RALGPS2: variants seen among roughly 807,000 people sequenced by gnomAD.
The protein encoded by RALGPS2 is ras-specific guanine nucleotide-releasing factor RalGPS2.
Under a neutral mutation model 86.8 loss-of-function variants are expected in RALGPS2, and 43 were observed. The ratio of observed to expected loss-of-function variants is 0.50; its 90% CI spans 0.39 to 0.64. The LOEUF is 0.64. RALGPS2 is among the 30% of genes least tolerant of loss of function. The probability of loss-of-function intolerance (pLI) is 0.00; values close to 1 mark genes in which losing one functional copy is unlikely to be tolerated. For synonymous variants in RALGPS2, 243 were observed against 231.3 expected, an observed-to-expected ratio of 1.05 and a Z score of -0.46; for missense variants, 536 against 694.6, an observed-to-expected ratio of 0.77 and a Z score of 2.57.
rs1297940608 is a variant in RALGPS2, at chr1:178,919,062, T to G, written c.*2703T>G. ...ATGATTGGCATGTTATATAGCCTGT[T>G]GAAAATAACTACAGAATGACCTTCC... On this transcript the variant is annotated 3_prime_UTR_variant, in exon 20 of 20. Transcript: ENST00000367635. The G allele has an allele frequency of 2.0e-5, 3 of 152,074 alleles. No individual in the cohort carries two copies. The highest frequency in any genetic ancestry group is 4.4e-5 in the Non-Finnish European group (3 of 67,928). 9.4% of individuals were successfully genotyped at this position (152,074 alleles called of 1,614,324 possible).
Position 178,893,974 on chromosome 1 carries a change from C to A in RALGPS2, c.1381C>A (p.Gln461Lys). 1 of 1,608,844 alleles carries A rather than the reference C, an allele frequency of 6.2e-7. No homozygotes were observed. The highest frequency in any genetic ancestry group is 1.1e-5 in the South Asian group (1 of 90,656). Reference sequence around the variant, plus strand: ...TTTATATCCAGGAGCTGTTACTATTCAAGGTGTTCTCAGGAGAAAAACTTT... The same window carrying A: ...TTTATATCCAGGAGCTGTTACTATTAAAGGTGTTCTCAGGAGAAAAACTTT... Reference protein sequence around the residue: ...VHLYPGAVTIQGVLRRKTLLK... With the variant: ...VHLYPGAVTIKGVLRRKTLLK... The change falls in exon 16 of 20, where the codon CAA becomes AAA. Residue 461 changes from glutamine (Q) to lysine (K), a missense_variant. Around this residue, in one of 3 missense-constraint regions of RALGPS2, gnomAD observed 309 missense variants for 363.0 expected, o/e 0.85. Transcript: ENST00000367635.
chr1:178,885,281 G>A, intron 12 of RALGPS2, 70 bp downstream of exon 12: 2 of 1,445,740 alleles, frequency 1.4e-6, no homozygotes, highest in Non-Finnish European at 1.9e-6. Context: ...CGATTTATTA[G>A]TTCAGTAGAA....
chr1:178,879,044 T>C, intron 10 of RALGPS2, 52 bp downstream of exon 10: 1 of 1,587,036 alleles, frequency 6.3e-7, no homozygotes, highest in Non-Finnish European at 8.6e-7. Flanking sequence ...GTCCTCCACC[T>C]TTCTATCCCT....
At chr1:178,843,808 G>C (rs1307173670) in intron 8 of RALGPS2, among the ~76,000 whole-genome samples, 1 of 152,154 alleles carries the variant, frequency 6.6e-6, no homozygotes, top group Non-Finnish European at 1.5e-5. Context: ...TTGATTGTGA[G>C]ATTATTGTGG....
At chr1:178,737,536 G>T (rs747897624) in intron 1 of RALGPS2, among the ~76,000 whole-genome samples, 14 of 151,920 alleles carry the variant, frequency 9.2e-5, no homozygotes, top group African/African-American at 1.5e-4. Context: ...ATGAGCCACC[G>T]CACCTGGCCA....
chr1:178,747,352 A>G (rs1651394289), intron 1 of RALGPS2: 4 of 1,536,986 alleles, frequency 2.6e-6, no homozygotes, highest in South Asian at 1.1e-5. Context: ...TTTCACCACT[A>G]TTGATATTTT....
chr1:178,877,408 T>C, intron 8 of RALGPS2, 90 bp from the exon 9 acceptor site: 1 of 1,541,102 alleles, frequency 6.5e-7, no homozygotes, highest in Non-Finnish European at 8.8e-7. Context: ...CAGTGGAATA[T>C]ATCTATAAAC....
intron 19 of RALGPS2, among the ~76,000 whole-genome samples, chr1:178,914,376 G>A (rs1468658778): frequency 1.3e-5 from 2 of 152,134 alleles, no homozygotes; most frequent in Non-Finnish European, 2.9e-5. Flanking sequence ...GCGGTTTGTG[G>A]TGAGAGTGGG....
At chr1:178,747,096 T>C (rs1651379418) in intron 1 of RALGPS2, 12 of 884,720 alleles carry the variant, frequency 1.4e-5, no homozygotes, top group Middle Eastern at 2.7e-4. Context: ...AATTTTCTTA[T>C]GTTCAGTAAC....
At chr1:178,734,400 C>G (rs1316158883) in intron 1 of RALGPS2, among the ~76,000 whole-genome samples, 4 of 152,160 alleles carry the variant, frequency 2.6e-5, no homozygotes, top group African/African-American at 9.7e-5. Flanking sequence ...AGGCCAGTAG[C>G]AGGGGTAAGG....
At chr1:178,915,146 A>G (rs1181418524) in intron 19 of RALGPS2, among the ~76,000 whole-genome samples, 1 of 152,260 alleles carries the variant, frequency 6.6e-6, no homozygotes, top group Non-Finnish European at 1.5e-5. Context: ...AAGTTTTAGT[A>G]GAAAACTCTG....
intron 8 of RALGPS2, chr1:178,853,744 C>T (rs994330685): frequency 3.1e-6 from 5 of 1,602,922 alleles, no homozygotes; most frequent in African/African-American, 1.4e-5. Context: ...TCCCACTGAC[C>T]GAATGCCCAG....
At chr1:178,816,333 T>C (rs1327650431) in intron 6 of RALGPS2, among the ~76,000 whole-genome samples, 1 of 152,164 alleles carries the variant, frequency 6.6e-6, no homozygotes, top group African/African-American at 2.4e-5. Flanking sequence ...CTGATGATAG[T>C]GATGGTTGAG....
intron 1 of RALGPS2, among the ~76,000 whole-genome samples, chr1:178,731,249 A>G (rs920146741): frequency 4.1e-5 from 5 of 122,558 alleles, no homozygotes; most frequent in African/African-American, 1.5e-4. Flanking sequence ...TTAGCAGATG[A>G]TTATACTTTT....
chr1:178,764,981 C>T (rs1652424471), intron 1 of RALGPS2, among the ~76,000 whole-genome samples: 1 of 152,032 alleles, frequency 6.6e-6, no homozygotes, highest in African/African-American at 2.4e-5. Flanking sequence ...ACAACCAGAT[C>T]CCCACTTTGT....
chr1:178,805,052 G>GT (rs1654676419), intron 4 of RALGPS2, among the ~76,000 whole-genome samples: 1 of 148,696 alleles, frequency 6.7e-6, no homozygotes, highest in African/African-American at 2.5e-5. Context: ...TTTTTCATGT[G>GT]TTTTTTGGCT....
chr1:178,897,097 A>T (rs1659982160), intron 16 of RALGPS2, among the ~76,000 whole-genome samples: 1 of 151,926 alleles, frequency 6.6e-6, no homozygotes, highest in Non-Finnish European at 1.5e-5. Flanking sequence ...CAAGAAAAAA[A>T]CAAACAACCC....
chr1:178,865,042 A>G, intron 8 of RALGPS2: 1 of 1,497,196 alleles, frequency 6.7e-7, no homozygotes, highest in South Asian at 1.4e-5. Context: ...AATCTCTGGG[A>G]TAACCTGGAT....
At chr1:178,731,637 A>G (rs998818825) in intron 1 of RALGPS2, among the ~76,000 whole-genome samples, 3 of 152,030 alleles carry the variant, frequency 2.0e-5, no homozygotes, top group African/African-American at 7.2e-5. Flanking sequence ...CAAAATCTTC[A>G]TCCTTCATAT....
Sources: allele counts gnomAD v4.1 joint callset (sites outside exome capture counted in the v4.1 genomes callset), GRCh38; gene constraint gnomAD v4.1.1; regional missense constraint gnomAD v4.1.1; transcripts MANE v1.5; gene names NCBI Gene and HGNC (gene_info 2026-07-23, HGNC 2026-07-21).